Variants in RBFOX1 observed in about 807,000 individuals in gnomAD.
The protein encoded by RBFOX1 is RNA binding protein fox-1 homolog 1.
A neutral mutation model predicts 57.7 loss-of-function variants in RBFOX1; 8 were observed. The observed-to-expected ratio is 0.14, with a 90% CI of 0.08 to 0.25. The LOEUF (loss-of-function observed/expected upper bound fraction) is 0.25, where lower values mean the gene tolerates loss of function less well. Among genes scored for constraint, RBFOX1 ranks in the 10% least tolerant of loss-of-function variants. The pLI is 1.00. For missense variants in RBFOX1, 611 were observed against 548.5 expected, an observed-to-expected ratio of 1.11 and a Z score of -1.14; for synonymous variants, 326 against 222.4, an observed-to-expected ratio of 1.47 and a Z score of -4.15.
At chr16:6,729,511 T>C (rs1255983612) in intron 3 of RBFOX1, among the ~76,000 whole-genome samples, 1 of 152,166 alleles carries the variant, frequency 6.6e-6, no homozygotes, top group East Asian at 1.9e-4. Context: ...AGTTTAGACA[T>C]AGAAACAAAG....
intron 1 of RBFOX1, among the ~76,000 whole-genome samples, chr16:5,386,365 GA>G (rs2066256339): frequency 6.6e-6 from 1 of 152,068 alleles, no homozygotes; most frequent in Admixed American, 6.5e-5. Context: ...GGCCCCAGGG[GA>G]AAAGGTAGAC....
intron 3 of RBFOX1, among the ~76,000 whole-genome samples, chr16:6,938,991 C>T (rs2077852662): frequency 6.6e-6 from 1 of 152,120 alleles, no homozygotes; most frequent in Admixed American, 6.5e-5. Flanking sequence ...TGCACTGTAA[C>T]TGTTCTTGTA....
At chr16:7,490,890 C>A (rs942948176) in intron 4 of RBFOX1, among the ~76,000 whole-genome samples, 10 of 152,152 alleles carry the variant, frequency 6.6e-5, no homozygotes, top group African/African-American at 2.2e-4. Flanking sequence ...ATTAGGGTGT[C>A]TTTATCAGCC....
chr16:6,688,182 G>GAA (rs1358796683), intron 3 of RBFOX1, among the ~76,000 whole-genome samples: 1 of 146,038 alleles, frequency 6.8e-6, no homozygotes, highest in African/African-American at 2.5e-5. Context: ...AGTCATGGTG[G>GAA]AAAAAAAAAA....
chr16:6,918,282 A>C (rs1475351315), intron 3 of RBFOX1, among the ~76,000 whole-genome samples: 1 of 45,560 alleles, frequency 2.2e-5, no homozygotes, highest in African/African-American at 9.9e-5. Context: ...ACTCCATCTC[A>C]AAAAAAAAAA....
intron 4 of RBFOX1, among the ~76,000 whole-genome samples, chr16:7,190,841 C>T (rs535283084): frequency 9.2e-5 from 14 of 152,260 alleles, no homozygotes; most frequent in South Asian, 6.2e-4. Context: ...TCTGCATAGA[C>T]GCACATGATG....
intron 4 of RBFOX1, among the ~76,000 whole-genome samples, chr16:7,284,992 G>T (rs2095620759): frequency 6.8e-6 from 1 of 147,196 alleles, no homozygotes; most frequent in Non-Finnish European, 1.5e-5. Flanking sequence ...TCCCTCCGTT[G>T]CCCAATGGAA....
At chr16:5,245,800 T>C (rs2062284528) in intron 1 of RBFOX1, among the ~76,000 whole-genome samples, 1 of 152,354 alleles carries the variant, frequency 6.6e-6, no homozygotes, top group South Asian at 2.1e-4. Flanking sequence ...AAGTCAATCA[T>C]GATTTGAAAA....
At chr16:7,561,417 C>T (rs1290565550) in intron 5 of RBFOX1, among the ~76,000 whole-genome samples, 2 of 152,300 alleles carry the variant, frequency 1.3e-5, no homozygotes, top group East Asian at 3.9e-4. Context: ...TATTTCTTAG[C>T]ATTTCCATTT....
intron 3 of RBFOX1, among the ~76,000 whole-genome samples, chr16:5,811,431 A>G (rs1291184430): frequency 1.4e-5 from 2 of 144,190 alleles, no homozygotes; most frequent in African/African-American, 5.2e-5. Context: ...GTGTGAGCCA[A>G]TGCACCCAGC....
intron 2 of RBFOX1, among the ~76,000 whole-genome samples, chr16:6,499,068 C>T (rs930920935): frequency 2.0e-5 from 3 of 152,166 alleles, no homozygotes; most frequent in Admixed American, 6.5e-5. Context: ...GTTGGCTTCG[C>T]ACAACTGTGT....
intron 4 of RBFOX1, among the ~76,000 whole-genome samples, chr16:7,262,002 A>ATCCCTTTC (rs1899586081): frequency 6.6e-6 from 1 of 152,192 alleles, no homozygotes; most frequent in South Asian, 2.1e-4. Context: ...TTTCCTGATT[A>ATCCCTTTC]TCCCTTTCTC....
intron 3 of RBFOX1, among the ~76,000 whole-genome samples, chr16:6,894,696 A>G (rs1000540100): frequency 1.3e-5 from 2 of 152,326 alleles, no homozygotes; most frequent in South Asian, 4.1e-4. Context: ...ACCTCACTAA[A>G]ACATTCATGA....
At chr16:5,861,178 T>C (rs1463360003) in intron 3 of RBFOX1, among the ~76,000 whole-genome samples, 1 of 152,190 alleles carries the variant, frequency 6.6e-6, no homozygotes. Context: ...TAGGAGGATC[T>C]TGTACAAAGT....
At chr16:5,978,729 T>C (rs905638402) in intron 4 of RBFOX1, among the ~76,000 whole-genome samples, 1 of 151,634 alleles carries the variant, frequency 6.6e-6, no homozygotes, top group African/African-American at 2.4e-5. Flanking sequence ...TGTTGAGGGG[T>C]ACCAGTCCGG....
chr16:6,242,177 T>C (rs928261842), intron 1 of RBFOX1, among the ~76,000 whole-genome samples: 1 of 152,160 alleles, frequency 6.6e-6, no homozygotes, highest in Admixed American at 6.5e-5. Flanking sequence ...TATGTGTACA[T>C]GTTATATGCA....
Position 7,653,839 on chromosome 16 carries a change from C to A in RBFOX1, c.782C>A (p.Ala261Asp). 1 of 1,607,366 alleles carries A rather than the reference C, an allele frequency of 6.2e-7. No individual in the cohort carries two copies. Among genetic ancestry groups the A allele is most frequent in the Non-Finnish European group, 8.5e-7 (1 of 1,179,560 alleles). ...SAMPGFPYPAATAAAAYRGAH... is the reference protein window; with the variant it reads ...SAMPGFPYPADTAAAAYRGAH... ...GTGCCAGGCTTCCCGTATCCAGCAGCCACCGCCGCGGCCGCCTACCGAGGG... is the reference window on the plus strand; with the variant it reads ...GTGCCAGGCTTCCCGTATCCAGCAGACACCGCCGCGGCCGCCTACCGAGGG... The change falls in exon 12 of 16, where the codon GCC (alanine) becomes GAC (aspartate). Residue 261 changes from alanine to aspartate, a missense_variant. This residue lies in a region of RBFOX1 where 267 missense variants were observed against 229.1 expected (regional missense o/e 1.17). Transcript: ENST00000550418.
intron 3 of RBFOX1, among the ~76,000 whole-genome samples, chr16:7,040,240 C>T (rs994095787): frequency 2.0e-5 from 3 of 151,798 alleles, no homozygotes; most frequent in Admixed American, 6.6e-5. Context: ...AGGATGGTCT[C>T]GATCTCTTGA....
chr16:6,928,800 A>G (rs1406168680), intron 3 of RBFOX1, among the ~76,000 whole-genome samples: 4 of 152,158 alleles, frequency 2.6e-5, no homozygotes, highest in Admixed American at 6.5e-5. Context: ...GAAAAGACAT[A>G]TGCACACAGA....
Sources: gnomAD v4.1 joint callset for allele counts (sites outside exome capture counted in the v4.1 genomes callset) on GRCh38, gnomAD v4.1.1 for gene constraint, gnomAD v4.1.1 regional missense constraint, MANE v1.5 for transcripts, NCBI Gene and HGNC (gene_info 2026-07-23, HGNC 2026-07-21) for gene names.